TMEM117: variants seen among roughly 807,000 people sequenced by gnomAD.
TMEM117 encodes the protein transmembrane protein 117.
A neutral mutation model predicts 52.4 loss-of-function variants in TMEM117; 27 were observed. The ratio of observed to expected loss-of-function variants is 0.51; its 90% CI spans 0.38 to 0.71. The LOEUF is 0.71. Among genes scored for constraint, TMEM117 ranks in the 30% least tolerant of loss-of-function variants. The pLI is 0.00. For missense variants in TMEM117, 556 were observed against 630.5 expected, an observed-to-expected ratio of 0.88 and a Z score of 1.26; for synonymous variants, 215 against 206.3, an observed-to-expected ratio of 1.04 and a Z score of -0.36.
At chr12:44,104,041 C>T (rs1947910335) in intron 3 of TMEM117, among the ~76,000 whole-genome samples, 1 of 151,904 alleles carries the variant, frequency 6.6e-6, no homozygotes. Context: ...ATTGGCACTT[C>T]TGGAAAGCAA....
chr12:44,277,946 T>C (rs1273762454), intron 5 of TMEM117, among the ~76,000 whole-genome samples: 4 of 151,842 alleles, frequency 2.6e-5, no homozygotes, highest in Admixed American at 1.3e-4. Flanking sequence ...GTATTTTTAG[T>C]AGAGATGGGG....
intron 3 of TMEM117, among the ~76,000 whole-genome samples, chr12:43,949,265 G>A (rs1026761748): frequency 6.6e-5 from 10 of 152,190 alleles, no homozygotes; most frequent in African/African-American, 2.2e-4. Context: ...GGGCCAAGCG[G>A]ACAACTTGAG....
At chr12:44,193,543 A>G (rs1305881501) in intron 4 of TMEM117, among the ~76,000 whole-genome samples, 1 of 152,210 alleles carries the variant, frequency 6.6e-6, no homozygotes, top group Admixed American at 6.5e-5. Flanking sequence ...CCTGTTGTCA[A>G]ATCAGAAGCA....
the TMEM117 span, among the ~76,000 whole-genome samples, chr12:43,825,522 T>C: frequency 7.0e-4 from 107 of 152,314 alleles, no homozygotes; most frequent in African/African-American, 2.4e-3. Context: ...AATGAATAAA[T>C]CACAGATGCA....
At chr12:44,065,147 G>A (rs1195634480) in intron 3 of TMEM117, among the ~76,000 whole-genome samples, 1 of 152,214 alleles carries the variant, frequency 6.6e-6, no homozygotes, top group African/African-American at 2.4e-5. Flanking sequence ...CACTTTGGGA[G>A]GCTGAGGCGG....
chr12:44,333,993 C>A (rs1362002089), intron 6 of TMEM117, among the ~76,000 whole-genome samples: 2 of 151,958 alleles, frequency 1.3e-5, no homozygotes, highest in Non-Finnish European at 2.9e-5. Flanking sequence ...CTCTCTGAAA[C>A]CTCTGTTTTC....
chr12:44,381,863 G>A (rs1030067453), intron 7 of TMEM117, among the ~76,000 whole-genome samples: 5 of 152,044 alleles, frequency 3.3e-5, no homozygotes, highest in Admixed American at 1.3e-4. Flanking sequence ...AGAAGGCTGG[G>A]GAGGGGACAG....
At chr12:44,386,123 T>C (rs1175816009) in intron 7 of TMEM117, among the ~76,000 whole-genome samples, 1 of 152,174 alleles carries the variant, frequency 6.6e-6, no homozygotes, top group Non-Finnish European at 1.5e-5. Context: ...TTATGGTTTG[T>C]ATCACTCATT....
chr12:43,934,289 T>C (rs1291025269), intron 2 of TMEM117, among the ~76,000 whole-genome samples: 2 of 152,216 alleles, frequency 1.3e-5, no homozygotes, highest in Non-Finnish European at 2.9e-5. Flanking sequence ...AATACCTTTA[T>C]TTCCTCTTGG....
intron 2 of TMEM117, among the ~76,000 whole-genome samples, chr12:43,881,729 C>T (rs1315657968): frequency 4.1e-5 from 5 of 120,866 alleles, no homozygotes; most frequent in Admixed American, 1.2e-4. Flanking sequence ...GTGGAGGTTG[C>T]GGTGAGCTGA....
At chr12:43,986,115 A>G (rs1945843040) in intron 3 of TMEM117, among the ~76,000 whole-genome samples, 1 of 152,186 alleles carries the variant, frequency 6.6e-6, no homozygotes, top group Admixed American at 6.5e-5. Flanking sequence ...GATTAAAGTG[A>G]AGAAAATGAC....
At chr12:43,915,031 G>T (rs1944577790) in intron 2 of TMEM117, among the ~76,000 whole-genome samples, 1 of 152,048 alleles carries the variant, frequency 6.6e-6, no homozygotes, top group Non-Finnish European at 1.5e-5. Flanking sequence ...GGAAAATCTG[G>T]CTGCTTTCTT....
At chr12:44,255,016 C>T (rs889388176) in intron 5 of TMEM117, among the ~76,000 whole-genome samples, 3 of 152,132 alleles carry the variant, frequency 2.0e-5, no homozygotes, top group African/African-American at 4.8e-5. Context: ...GCATAGTATT[C>T]CATGGTGTAT....
At chr12:43,965,715 G>A (rs1485893254) in intron 3 of TMEM117, among the ~76,000 whole-genome samples, 1 of 152,172 alleles carries the variant, frequency 6.6e-6, no homozygotes, top group Non-Finnish European at 1.5e-5. Context: ...ATTAGGAAGA[G>A]TAAGCAATGA....
At chr12:44,308,906 A>G (rs1221135940) in intron 6 of TMEM117, among the ~76,000 whole-genome samples, 2 of 152,178 alleles carry the variant, frequency 1.3e-5, no homozygotes, top group African/African-American at 4.8e-5. Flanking sequence ...GACGTCAGCC[A>G]CTGCGCCCGG....
At chr12:44,153,166 T>G (rs1400919525) in intron 4 of TMEM117, among the ~76,000 whole-genome samples, 1 of 151,908 alleles carries the variant, frequency 6.6e-6, no homozygotes, top group Non-Finnish European at 1.5e-5. Context: ...TGATTTTCCA[T>G]CCATAAAAAC....
At chr12:44,138,102 G>A (rs1948518164) in intron 3 of TMEM117, among the ~76,000 whole-genome samples, 1 of 152,106 alleles carries the variant, frequency 6.6e-6, no homozygotes, top group South Asian at 2.1e-4. Flanking sequence ...CCCAAGTCAT[G>A]GGGGTATGGG....
chr12:43,986,178 A>AT (rs1205795285), intron 3 of TMEM117, among the ~76,000 whole-genome samples: 1 of 152,106 alleles, frequency 6.6e-6, no homozygotes, highest in Non-Finnish European at 1.5e-5. Flanking sequence ...GTTTTAATTA[A>AT]TTTTTTTGTG....
the TMEM117 span, chr12:43,797,114 T>C: frequency 2.5e-6 from 4 of 1,570,834 alleles, no homozygotes; most frequent in Non-Finnish European, 2.6e-6. Flanking sequence ...GTTCAAATAA[T>C]AACAAATATA....
Sources: allele counts gnomAD v4.1 joint callset (sites outside exome capture counted in the v4.1 genomes callset), GRCh38; gene constraint gnomAD v4.1.1; transcripts MANE v1.5; gene names NCBI Gene and HGNC (gene_info 2026-07-23, HGNC 2026-07-21).